Variants in EBF3 observed in about 807,000 individuals in gnomAD.
EBF3 encodes the protein transcription factor COE3.
Under a neutral mutation model 77.1 loss-of-function variants are expected in EBF3, and 18 were observed. The ratio of observed to expected loss-of-function variants is 0.23; its 90% CI spans 0.16 to 0.35. The LOEUF is 0.35. Ranked by LOEUF, EBF3 falls within the 10% of genes least tolerant of loss-of-function variation. EBF3 has a pLI of 1.00. For missense variants in EBF3, 558 were observed against 860.0 expected (o/e 0.65, Z 4.39); for synonymous variants, 350 against 343.5 (o/e 1.02, Z -0.21).
chr10:129,921,796 G>A (rs1856333119), intron 6 of EBF3, among the ~76,000 whole-genome samples: 1 of 152,176 alleles, frequency 6.6e-6, no homozygotes. Context: ...CTGGGGATAT[G>A]GGCATCAGCA....
intron 6 of EBF3, among the ~76,000 whole-genome samples, chr10:129,899,457 G>C (rs1854631386): frequency 6.6e-6 from 1 of 152,206 alleles, no homozygotes; most frequent in Non-Finnish European, 1.5e-5. Flanking sequence ...CGGCGCCCTG[G>C]ACCAGCCTGG....
intron 6 of EBF3, among the ~76,000 whole-genome samples, chr10:129,887,995 G>C (rs894086851): frequency 2.0e-5 from 3 of 152,204 alleles, no homozygotes; most frequent in Admixed American, 1.3e-4. Context: ...CGGCCTCGTG[G>C]TTTGCTTATT....
intron 10 of EBF3, among the ~76,000 whole-genome samples, chr10:129,865,515 G>A (rs1851943330): frequency 6.6e-6 from 1 of 152,166 alleles, no homozygotes; most frequent in African/African-American, 2.4e-5. Flanking sequence ...TCCTGTGTGT[G>A]CTGGTCCCAC....
rs1260185743 is a variant in EBF3 at position 129,897,246 on chromosome 10, G to A, written c.555-19397C>T. 6.6e-6 allele frequency among the ~76,000 whole-genome samples: 1 copy of A among 152,176 alleles called. No homozygotes were observed. Among genetic ancestry groups the A allele is most frequent in the Non-Finnish European group, 1.5e-5 (1 of 68,030 alleles). On this transcript the variant is annotated intron_variant, in intron 6 of 16. Coordinates refer to ENST00000440978, the MANE Select transcript of EBF3 (RefSeq NM_001375380.1). This position sits in a 1 kb window ranked among gnomAD's most constrained non-coding sequence, Gnocchi z 4.6. ...TGCTCTTCCTGTCCAAGTTCCTGGGGACACCTCTAGTCCACTTGGGCCCCA... is the reference window on the plus strand; with the variant it reads ...TGCTCTTCCTGTCCAAGTTCCTGGGAACACCTCTAGTCCACTTGGGCCCCA...
chr10:129,869,823 C>A (rs1379292821), intron 8 of EBF3, among the ~76,000 whole-genome samples: 1 of 152,184 alleles, frequency 6.6e-6, no homozygotes, highest in African/African-American at 2.4e-5. Context: ...GCGCTGTTGA[C>A]TTCATGCTAA....
rs1850133854 is a variant in EBF3, at chr10:129,842,362, G to A, written c.1195-69C>T. On this transcript the variant is annotated intron_variant, in intron 12 of 16. Coordinates refer to ENST00000440978, the MANE Select transcript of EBF3 (RefSeq NM_001375380.1). The surrounding 1 kb of genome is among the most constrained non-coding windows in gnomAD (Gnocchi z 4.4). ...GGCCCAGCTGGCCGCACTCTCGGGG[G>A]CCCACCATGGTGGCATCCCACTGTC... The A allele has an allele frequency of 5.3e-6, 8 of 1,508,678 alleles. No homozygotes were observed. Among genetic ancestry groups the A allele is most frequent in the East Asian group, 2.3e-5 (1 of 43,374 alleles). 93.5% of individuals were successfully genotyped at this position (1,508,678 alleles called of 1,614,324 possible).
chr10:129,924,074 C>G (rs1438689744), intron 6 of EBF3, among the ~76,000 whole-genome samples: 1 of 152,110 alleles, frequency 6.6e-6, no homozygotes, highest in South Asian at 2.1e-4. Context: ...CAAATCCAAG[C>G]CACACTGAGA....
At chr10:129,843,865 C>T (rs1285751327) in intron 11 of EBF3, among the ~76,000 whole-genome samples, 14 of 152,218 alleles carry the variant, frequency 9.2e-5, no homozygotes, top group Non-Finnish European at 4.4e-5. Context: ...AGAGTGTGCG[C>T]GCTGTGCCTG....
intron 6 of EBF3, among the ~76,000 whole-genome samples, chr10:129,926,275 G>A (rs74162527): frequency 0.015 from 2,354 of 152,278 alleles, 65 homozygotes; most frequent in African/African-American, 0.053. Context: ...GCGCCAGCCC[G>A]CAAGAGCATG....
chr10:129,849,671 A>T (rs748896067), intron 10 of EBF3, among the ~76,000 whole-genome samples: 1 of 152,216 alleles, frequency 6.6e-6, no homozygotes, highest in Non-Finnish European at 1.5e-5. Flanking sequence ...AAAGTTGAGG[A>T]CCACAATATG....
At chr10:129,961,342 C>T (rs1234440002) in intron 4 of EBF3, among the ~76,000 whole-genome samples, 9 of 152,054 alleles carry the variant, frequency 5.9e-5, no homozygotes, top group African/African-American at 1.9e-4. Context: ...AAAATGGGGG[C>T]GGGGGGAAAT....
intron 4 of EBF3, among the ~76,000 whole-genome samples, chr10:129,959,816 C>G (rs1370736674): frequency 6.6e-6 from 1 of 151,950 alleles, no homozygotes; most frequent in Non-Finnish European, 1.5e-5. Flanking sequence ...GGCCCCAGGG[C>G]GCCCGAGCCC....
intron 6 of EBF3, among the ~76,000 whole-genome samples, chr10:129,883,890 C>G (rs1392680066): frequency 2.0e-5 from 3 of 152,136 alleles, no homozygotes; most frequent in Non-Finnish European, 4.4e-5. Flanking sequence ...CAGAACTGTT[C>G]ACTTTAAAAT....
At chr10:129,888,622 G>T (rs955659704) in intron 6 of EBF3, among the ~76,000 whole-genome samples, 2 of 152,200 alleles carry the variant, frequency 1.3e-5, no homozygotes, top group African/African-American at 2.4e-5. Context: ...TCCCGGCCGC[G>T]GTGGGAACCG....
intron 6 of EBF3, among the ~76,000 whole-genome samples, chr10:129,892,823 T>C (rs532553412): frequency 6.6e-6 from 1 of 152,242 alleles, no homozygotes; most frequent in African/African-American, 2.4e-5. Flanking sequence ...GCCAGCTTGA[T>C]GAAAACGCTT....
In EBF3 at chr10:129,841,262, C is replaced by T. The variant is rs530402208; in HGVS notation, c.1373-230G>A. On this transcript the variant is annotated intron_variant, in intron 13 of 16. Transcript: ENST00000440978. The surrounding 1 kb of genome is among the most constrained non-coding windows in gnomAD (Gnocchi z 4.6). Reference sequence around the variant, plus strand: ...TGCTGGCTTCAACAGCCAGCCGGGGCGCGCTTCGATCTCGCCGTCAGTGGC... The same window carrying T: ...TGCTGGCTTCAACAGCCAGCCGGGGTGCGCTTCGATCTCGCCGTCAGTGGC... Among the ~76,000 whole-genome samples, 54 of 152,174 alleles carry T rather than the reference C, an allele frequency of 3.5e-4. No individual in the cohort carries two copies. The highest frequency in any genetic ancestry group is 9.2e-4 in the Admixed American group (14 of 15,282).
At chr10:129,937,728 C>G (rs948603884) in intron 6 of EBF3, among the ~76,000 whole-genome samples, 1 of 152,132 alleles carries the variant, frequency 6.6e-6, no homozygotes, top group Non-Finnish European at 1.5e-5. Flanking sequence ...TCACCATGGC[C>G]CACCCCCAGG....
At chr10:129,873,393 G>A in intron 8 of EBF3, 59 bp downstream of exon 8, 3 of 1,444,368 alleles carry the variant, frequency 2.1e-6, no homozygotes, top group East Asian at 5.0e-5. Flanking sequence ...TGAACATAAA[G>A]GATGGTGCAA....
In EBF3 at chr10:129,864,606, G is replaced by C. The variant is rs1433421481; in HGVS notation, c.1039+2535C>G. 6.6e-6 allele frequency among the ~76,000 whole-genome samples: 1 copy of C among 152,216 alleles called. No homozygotes were observed. Among genetic ancestry groups the C allele is most frequent in the African/African-American group, 2.4e-5 (1 of 41,462 alleles). On this transcript the variant is annotated intron_variant, in intron 10 of 16. Transcript: ENST00000440978. This position sits in a 1 kb window ranked among gnomAD's most constrained non-coding sequence, Gnocchi z 4.4. ...GGCATCCACTAAAGCATTCATCCGG[G>C]ATGGGCTGACAGTCCAGTGTAAGAA...
Sources: allele counts gnomAD v4.1 joint callset (sites outside exome capture counted in the v4.1 genomes callset), GRCh38; gene constraint gnomAD v4.1.1; non-coding constraint Gnocchi (gnomAD v3.1); transcripts MANE v1.5; gene names NCBI Gene and HGNC (gene_info 2026-07-23, HGNC 2026-07-21).